VRK1: variants seen among roughly 807,000 people sequenced by gnomAD.
The protein encoded by VRK1 is serine/threonine-protein kinase VRK1.
In VRK1, 33 loss-of-function variants were observed where a neutral mutation model predicts 57.1. The ratio of observed to expected loss-of-function variants is 0.58; its 90% confidence interval spans 0.44 to 0.77. The LOEUF (loss-of-function observed/expected upper bound fraction) is 0.77. VRK1 is among the 30% of genes least tolerant of loss of function. VRK1 has a pLI of 0.00. For synonymous variants in VRK1, 137 were observed against 147.8 expected (o/e 0.93, Z 0.53); for missense variants, 413 against 477.3 (o/e 0.87, Z 1.25).
intron 1 of VRK1, among the ~76,000 whole-genome samples, chr14:96,805,718 GA>G (rs1256490292): frequency 6.6e-6 from 1 of 152,018 alleles, no homozygotes; most frequent in African/African-American, 2.4e-5. Flanking sequence ...ATTCCATTAA[GA>G]AAAAAATCAG....
intron 5 of VRK1, among the ~76,000 whole-genome samples, chr14:96,849,399 C>G (rs1209782205): frequency 6.6e-6 from 1 of 151,798 alleles, no homozygotes; most frequent in Non-Finnish European, 1.5e-5. Flanking sequence ...CATTTTTAGA[C>G]TTGGAATAAC....
At chr14:96,844,984 C>T (rs10138598) in intron 3 of VRK1, among the ~76,000 whole-genome samples, 7,252 of 152,206 alleles carry the variant, frequency 0.048, 192 homozygotes, top group Non-Finnish European at 0.063. Flanking sequence ...ATTTTAAGTG[C>T]TTGCAAAAGT....
chr14:96,865,905 G>A (rs1451667721), intron 11 of VRK1, among the ~76,000 whole-genome samples: 1 of 151,644 alleles, frequency 6.6e-6, no homozygotes, highest in Non-Finnish European at 1.5e-5. Flanking sequence ...TGGTTTCATT[G>A]TTATCCTTTT....
intron 3 of VRK1, among the ~76,000 whole-genome samples, chr14:96,845,204 T>G (rs1299184891): frequency 9.9e-5 from 1 of 10,116 alleles, no homozygotes; most frequent in Non-Finnish European, 9.5e-4. Context: ...TTTCACTGCT[T>G]TAAAAACTTT....
intron 11 of VRK1, among the ~76,000 whole-genome samples, chr14:96,873,262 G>A (rs1195252256): frequency 6.6e-6 from 1 of 152,090 alleles, no homozygotes; most frequent in African/African-American, 2.4e-5. Flanking sequence ...TAAGTCTACA[G>A]CAGGTCTCCA....
chr14:96,831,328 G>A (rs1413664841), intron 1 of VRK1, among the ~76,000 whole-genome samples: 1 of 152,156 alleles, frequency 6.6e-6, no homozygotes, highest in Non-Finnish European at 1.5e-5. Flanking sequence ...CAGTTGTCCT[G>A]TCCAGTTTTA....
At chr14:96,872,407 G>A (rs185048765) in intron 11 of VRK1, among the ~76,000 whole-genome samples, 30 of 152,250 alleles carry the variant, frequency 2.0e-4, no homozygotes, top group African/African-American at 7.2e-4. Context: ...GATAAATGAG[G>A]AAAACCATAG....
At chr14:96,829,077 A>G (rs1886908511) in intron 1 of VRK1, among the ~76,000 whole-genome samples, 1 of 152,242 alleles carries the variant, frequency 6.6e-6, no homozygotes, top group East Asian at 1.9e-4. Context: ...TACTCTGTTT[A>G]ATATACAACA....
At chr14:96,871,697 CA>C (rs1164475574) in intron 11 of VRK1, among the ~76,000 whole-genome samples, 1 of 152,182 alleles carries the variant, frequency 6.6e-6, no homozygotes, top group African/African-American at 2.4e-5. Context: ...CACCTCTGTT[CA>C]GATGGAGGTC....
chr14:96,804,768 T>C (rs929308467), intron 1 of VRK1, among the ~76,000 whole-genome samples: 31 of 152,370 alleles, frequency 2.0e-4, no homozygotes, highest in African/African-American at 7.2e-4. Context: ...CTTACAACTT[T>C]GTTTTACAAA....
chr14:96,802,304 A>G (rs1050697113), intron 1 of VRK1, among the ~76,000 whole-genome samples: 10 of 152,222 alleles, frequency 6.6e-5, no homozygotes, highest in African/African-American at 2.4e-4. Context: ...AAACCTGTAC[A>G]TGAATGCTCG....
At chr14:96,877,518 A>G in intron 12 of VRK1, 1 of 1,289,506 alleles carries the variant, frequency 7.8e-7, no homozygotes, top group Non-Finnish European at 1.0e-6. Context: ...AGGAGTCCCA[A>G]GGAGCAATAC....
chr14:96,873,681 T>C (rs2139841755), intron 11 of VRK1, among the ~76,000 whole-genome samples: 1 of 152,272 alleles, frequency 6.6e-6, no homozygotes, highest in Admixed American at 6.5e-5. Context: ...AATAACAAAA[T>C]GAAGCATTTG....
chr14:96,842,542 A>G (rs1007098344), intron 3 of VRK1, among the ~76,000 whole-genome samples: 5 of 152,224 alleles, frequency 3.3e-5, no homozygotes. Context: ...TATGAAGAAA[A>G]TACATCAAAA....
At position 96,858,181 on chromosome 14, in the gene VRK1, T is replaced by C. The variant is rs376309886; in HGVS notation, c.889+1595T>C. 8.5e-5 allele frequency among the ~76,000 whole-genome samples: 13 copies of C among 152,234 alleles called. No homozygotes were observed. The East Asian group carries it at 1.2e-3, about 14-fold the overall frequency. On this transcript the variant is annotated intron_variant, in intron 10 of 12. Coordinates refer to ENST00000216639, the MANE Select transcript of VRK1 (RefSeq NM_003384.3). ...ACCTCCTGAGCTCAAAGCCTTGACC[T>C]CCTGAGCTCAAGAGATCTTCCCACC... is the stretch of plus-strand genomic sequence containing the variant.
intron 1 of VRK1, among the ~76,000 whole-genome samples, chr14:96,827,860 A>G (rs4905548): frequency 0.33 from 49,719 of 152,084 alleles, 8,749 homozygotes; most frequent in South Asian, 0.43. Flanking sequence ...ACATAAATAA[A>G]CAGGATGAAA....
chr14:96,875,930 C>T (rs1889010011), intron 11 of VRK1, 100 bp from the exon 12 acceptor site: 1 of 1,262,964 alleles, frequency 7.9e-7, no homozygotes, highest in Admixed American at 1.8e-5. Context: ...ACACCCACAC[C>T]TATATACATT....
intron 11 of VRK1, among the ~76,000 whole-genome samples, chr14:96,864,942 G>A (rs1258495571): frequency 3.3e-5 from 5 of 150,182 alleles, no homozygotes; most frequent in Admixed American, 6.7e-5. Context: ...AATTGGGGTC[G>A]TTAGCTTTCT....
At chr14:96,854,963 A>G (rs911881904) in intron 7 of VRK1, among the ~76,000 whole-genome samples, 1 of 152,158 alleles carries the variant, frequency 6.6e-6, no homozygotes, top group Non-Finnish European at 1.5e-5. Flanking sequence ...TATAACATAT[A>G]CTTATCTTAA....
Sources: gnomAD v4.1 joint callset for allele counts (sites outside exome capture counted in the v4.1 genomes callset) on GRCh38, gnomAD v4.1.1 for gene constraint, MANE v1.5 for transcripts, NCBI Gene and HGNC (gene_info 2026-07-23, HGNC 2026-07-21) for gene names.